MRPS6: variants seen among roughly 807,000 people sequenced by gnomAD.
The protein encoded by MRPS6 is mitochondrial ribosomal protein S6.
In MRPS6, 6 loss-of-function variants were observed where a neutral mutation model predicts 13.1. The ratio of observed to expected loss-of-function variants is 0.46; its 90% CI spans 0.25 to 0.91. The LOEUF (loss-of-function observed/expected upper bound fraction) is 0.91, where lower values mean the gene tolerates loss of function less well. Ranked by LOEUF, MRPS6 falls within the 40% of genes least tolerant of loss-of-function variation. The pLI is 0.18. For synonymous variants in MRPS6, 61 were observed against 56.5 expected (o/e 1.08, Z -0.36); for missense variants, 164 against 155.6 (o/e 1.05, Z -0.29).
At position 34,096,959 on chromosome 21, in the gene MRPS6, C is replaced by T; in HGVS notation, c.45+23214C>T. On this transcript the variant is annotated intron_variant, in intron 1 of 2. Coordinates refer to ENST00000399312, the MANE Select transcript of MRPS6 (RefSeq NM_032476.4). The surrounding 1 kb of genome is among the most constrained non-coding windows in gnomAD (Gnocchi z 5.9). ...ATGAGACCATCAACCACATCATTCC[C>T]AACGGGAAATCTGAAGACAGCATTA... 3.7e-6 allele frequency: 6 copies of T among 1,614,066 alleles called. No individual in the cohort carries two copies. Among genetic ancestry groups the T allele is most frequent in the Non-Finnish European group, 5.1e-6 (6 of 1,179,976 alleles).
intron 1 of MRPS6, among the ~76,000 whole-genome samples, chr21:34,121,971 C>A (rs181824936): frequency 3.3e-5 from 5 of 152,194 alleles, no homozygotes; most frequent in South Asian, 4.2e-4. Flanking sequence ...AGATGGTACC[C>A]GATGTGTCTA....
chr21:34,114,495 A>G (rs1188816007), intron 1 of MRPS6, among the ~76,000 whole-genome samples: 2 of 151,232 alleles, frequency 1.3e-5, no homozygotes, highest in Non-Finnish European at 3.0e-5. Flanking sequence ...GAGCTTTAAA[A>G]AAATCTTAGT....
At chr21:34,075,516 T>C (rs538790813) in intron 1 of MRPS6, among the ~76,000 whole-genome samples, 1 of 152,210 alleles carries the variant, frequency 6.6e-6, no homozygotes, top group African/African-American at 2.4e-5. Context: ...ATAACCTTCC[T>C]TGAAATCTTC....
At chr21:34,120,957 T>C (rs1980096731) in intron 1 of MRPS6, among the ~76,000 whole-genome samples, 1 of 152,136 alleles carries the variant, frequency 6.6e-6, no homozygotes, top group Admixed American at 6.5e-5. Flanking sequence ...TGAGGAAAGA[T>C]AGGAGTAAGT....
At chr21:34,074,303 C>G (rs1989268696) in intron 1 of MRPS6, among the ~76,000 whole-genome samples, 1 of 152,302 alleles carries the variant, frequency 6.6e-6, no homozygotes, top group South Asian at 2.1e-4. Flanking sequence ...TGTCTGTATT[C>G]CAGTCTCTTG....
chr21:34,113,024 C>CAAA (rs1191982432), intron 1 of MRPS6, among the ~76,000 whole-genome samples: 3 of 151,648 alleles, frequency 2.0e-5, no homozygotes, highest in African/African-American at 7.3e-5. Context: ...ACAACAACAA[C>CAAA]AAAAAACCAC....
intron 2 of MRPS6, among the ~76,000 whole-genome samples, chr21:34,139,605 T>C (rs571143424): frequency 1.1e-4 from 16 of 152,202 alleles, no homozygotes; most frequent in South Asian, 6.2e-4. Flanking sequence ...TGAGACAGAG[T>C]CTCGCTCTGT....
chr21:34,113,073 T>G (rs959418208), intron 1 of MRPS6, among the ~76,000 whole-genome samples: 1 of 152,120 alleles, frequency 6.6e-6, no homozygotes, highest in African/African-American at 2.4e-5. Flanking sequence ...ATGGCTATTA[T>G]GAAAAAGACA....
chr21:34,112,346 G>A (rs1209468364), intron 1 of MRPS6, among the ~76,000 whole-genome samples: 1 of 152,164 alleles, frequency 6.6e-6, no homozygotes, highest in Non-Finnish European at 1.5e-5. Flanking sequence ...AATTACACTT[G>A]CAAGATGTAT....
chr21:34,087,695 C>T (rs1366882044), intron 1 of MRPS6, among the ~76,000 whole-genome samples: 2 of 152,184 alleles, frequency 1.3e-5, no homozygotes, highest in Non-Finnish European at 2.9e-5. Context: ...TAGCCAGTCC[C>T]AGAGGCTAGT....
At chr21:34,111,158 C>T (rs111744290) in intron 1 of MRPS6, among the ~76,000 whole-genome samples, 1,752 of 152,298 alleles carry the variant, frequency 0.012, 38 homozygotes, top group South Asian at 0.081. Flanking sequence ...TGCATATCTA[C>T]AGATGACTGC....
At chr21:34,083,963 C>A (rs1032104804) in intron 1 of MRPS6, among the ~76,000 whole-genome samples, 1 of 152,170 alleles carries the variant, frequency 6.6e-6, no homozygotes, top group Admixed American at 6.5e-5. Context: ...ATTTTTCTAT[C>A]CCTCTACTTG....
intron 1 of MRPS6, among the ~76,000 whole-genome samples, chr21:34,113,651 T>A (rs1175724732): frequency 6.6e-6 from 1 of 152,242 alleles, no homozygotes; most frequent in Non-Finnish European, 1.5e-5. Context: ...GTTGGCCTAG[T>A]TGATGGACAT....
At chr21:34,124,691 C>T (rs1287602738) in intron 1 of MRPS6, 2 of 152,120 alleles carry the variant, frequency 1.3e-5, no homozygotes, top group Non-Finnish European at 1.5e-5. Flanking sequence ...TAGTGAAACC[C>T]TTCTTCCAGC....
intron 1 of MRPS6, among the ~76,000 whole-genome samples, chr21:34,112,375 C>T (rs1276614524): frequency 2.0e-5 from 3 of 152,084 alleles, no homozygotes; most frequent in Admixed American, 1.3e-4. Context: ...CGAGCGATAC[C>T]TATGGGGTTA....
intron 1 of MRPS6, among the ~76,000 whole-genome samples, chr21:34,082,739 C>CT (rs976652933): frequency 3.3e-5 from 5 of 151,774 alleles, no homozygotes; most frequent in Non-Finnish European, 7.4e-5. Flanking sequence ...CTTTTTTTGT[C>CT]TTTTTTTTCA....
At chr21:34,079,116 C>T (rs1011270914) in intron 1 of MRPS6, among the ~76,000 whole-genome samples, 10 of 152,158 alleles carry the variant, frequency 6.6e-5, no homozygotes, top group African/African-American at 1.9e-4. Flanking sequence ...CTGTGGCTTC[C>T]GGGCCAGATC....
At position 34,095,752 on chromosome 21, in the gene MRPS6, A is replaced by G; in HGVS notation, c.45+22007A>G. The G allele has an allele frequency of 5.0e-6, 8 of 1,614,026 alleles. No homozygotes were observed. The highest frequency in any genetic ancestry group is 5.9e-6 in the Non-Finnish European group (7 of 1,179,980). ...GGCCTTGTTGCAGTGATCTACACAG[A>G]CACTCTGCAGGCTCTGCTCATGATC... On this transcript the variant is annotated intron_variant, in intron 1 of 2. Coordinates refer to ENST00000399312, the MANE Select transcript of MRPS6 (RefSeq NM_032476.4).
chr21:34,105,404 C>T (rs1407519119), intron 1 of MRPS6: 2 of 998,652 alleles, frequency 2.0e-6, no homozygotes, highest in African/African-American at 1.7e-5. Context: ...CTAATAATAT[C>T]CTGTGAAATT....
Sources: gnomAD v4.1 joint callset for allele counts (sites outside exome capture counted in the v4.1 genomes callset) on GRCh38, gnomAD v4.1.1 for gene constraint, Gnocchi (gnomAD v3.1) non-coding constraint, MANE v1.5 for transcripts, NCBI Gene and HGNC (gene_info 2026-07-23, HGNC 2026-07-21) for gene names.